The following ABCA13 variants were observed in gnomAD, a reference collection of about 807,000 sequenced individuals.
ABCA13 encodes the protein ATP binding cassette subfamily A member 13.
In ABCA13, 476 loss-of-function variants were observed where a neutral mutation model predicts 478.7. The ratio of observed to expected loss-of-function variants is 0.99; its 90% CI spans 0.92 to 1.07. The LOEUF is 1.07. Among genes scored for constraint, ABCA13 ranks in the 50% least tolerant of loss-of-function variants. ABCA13 has a pLI of 0.00. For missense variants in ABCA13, 6,060 were observed against 5,910.6 expected, an observed-to-expected ratio of 1.03 and a Z score of -0.83; for synonymous variants, 2,252 against 2,158.9, an observed-to-expected ratio of 1.04 and a Z score of -1.20.
chr7:48,436,454 T>C (rs561111620), intron 42 of ABCA13, among the ~76,000 whole-genome samples: 27 of 151,936 alleles, frequency 1.8e-4, no homozygotes, highest in African/African-American at 6.5e-4. Flanking sequence ...CCGTTTATCT[T>C]TTTTAAAGAA....
intron 41 of ABCA13, among the ~76,000 whole-genome samples, chr7:48,417,465 G>A (rs1201695155): frequency 3.3e-5 from 5 of 152,070 alleles, no homozygotes; most frequent in Non-Finnish European, 7.4e-5. Flanking sequence ...ACTTCCTGTC[G>A]GGGACAATCT....
intron 29 of ABCA13, 144 bp from the exon 30 acceptor site, chr7:48,350,499 C>A: frequency 1.0e-6 from 1 of 953,366 alleles, no homozygotes; most frequent in Non-Finnish European, 1.5e-6. Context: ...TCACATATGA[C>A]CAAAATTTGA....
At chr7:48,303,926 G>T (rs1800525882) in intron 23 of ABCA13, among the ~76,000 whole-genome samples, 1 of 151,984 alleles carries the variant, frequency 6.6e-6, no homozygotes, top group Non-Finnish European at 1.5e-5. Context: ...ATTTGTTTGG[G>T]CTCTTAAATC....
intron 55 of ABCA13, among the ~76,000 whole-genome samples, chr7:48,578,116 T>A (rs943441427): frequency 5.9e-5 from 9 of 152,120 alleles, no homozygotes; most frequent in African/African-American, 2.2e-4. Context: ...TCAAGTGATA[T>A]ACTAAATCAT....
intron 59 of ABCA13, chr7:48,626,535 CAAAGGGAAGCAA>C: frequency 1.2e-6 from 1 of 858,966 alleles, no homozygotes; most frequent in South Asian, 5.3e-5. Context: ...AATGGAGGAA[CAAAGGGAAGCAA>C]AAAGAAACAG....
chr7:48,197,150 A>G (rs942706969), intron 2 of ABCA13, among the ~76,000 whole-genome samples: 1 of 152,240 alleles, frequency 6.6e-6, no homozygotes, highest in African/African-American at 2.4e-5. Flanking sequence ...CAGGCTGCAC[A>G]TGCAGGAGGA....
At position 48,279,906 on chromosome 7, in the gene ABCA13, AC is replaced by A. The variant is rs767419647; in HGVS notation, c.8713del (p.Leu2905Ter). Reference sequence around the variant, plus strand: ...TGACTAAATACTGGCAACAAATCCCACTAACAGATCAAAGGTAATTAAAAAG... The same window carrying A: ...TGACTAAATACTGGCAACAAATCCCATAACAGATCAAAGGTAATTAAAAAG... ...VLTKYWQQIP[L>X]TDQSVVEICE... On this transcript the variant is annotated frameshift_variant, in exon 18 of 62. Coordinates refer to ENST00000435803, the MANE Select transcript of ABCA13 (RefSeq NM_152701.5). LOFTEE classifies it high-confidence loss of function. 167 of 1,519,114 alleles carry A rather than the reference AC, an allele frequency of 1.1e-4. No individual in the cohort carries two copies. Among genetic ancestry groups the A allele is most frequent in the Non-Finnish European group, 1.4e-4 (154 of 1,138,110 alleles). 94.1% of individuals were successfully genotyped at this position (1,519,114 alleles called of 1,614,324 possible).
At chr7:48,322,149 G>A (rs1319263299) in intron 27 of ABCA13, among the ~76,000 whole-genome samples, 1 of 152,168 alleles carries the variant, frequency 6.6e-6, no homozygotes, top group Non-Finnish European at 1.5e-5. Flanking sequence ...TGGCTTTGTA[G>A]CATCATCTGT....
chr7:48,332,164 G>T (rs1256248901), intron 27 of ABCA13, among the ~76,000 whole-genome samples: 1 of 152,148 alleles, frequency 6.6e-6, no homozygotes, highest in Non-Finnish European at 1.5e-5. Context: ...CATCTGGGTT[G>T]TTTCCAGCTT....
intron 47 of ABCA13, among the ~76,000 whole-genome samples, chr7:48,485,613 A>G (rs1374778635): frequency 6.6e-6 from 1 of 152,258 alleles, no homozygotes; most frequent in Non-Finnish European, 1.5e-5. Context: ...CAGGAGTTCC[A>G]GAACATTTTA....
rs767996715 is a variant in ABCA13 at position 48,245,950 on chromosome 7, G to A, written c.1579G>A (p.Gly527Ser). The A allele has an allele frequency of 1.2e-5, 20 of 1,613,640 alleles. No homozygotes were observed. Among genetic ancestry groups the A allele is most frequent in the Non-Finnish European group, 1.7e-5 (20 of 1,179,810 alleles). The change falls in exon 13 of 62, where the codon GGT becomes AGT. Residue 527 changes from glycine (G) to serine (S), a missense_variant. Gly to Ser is a moderately conservative substitution (Grantham distance 56). Coordinates refer to ENST00000435803, the MANE Select transcript of ABCA13 (RefSeq NM_152701.5). ...GCCTGGAAACTCCAGCATATGGGGT[G>A]GTCTCCAGGGACTGTTGTGCTATTG... ...LPPGNSSIWG[G>S]LQGLLCYCNS... is the part of the protein sequence containing the mutation.
intron 20 of ABCA13, among the ~76,000 whole-genome samples, chr7:48,289,463 A>G (rs1356068981): frequency 1.3e-5 from 2 of 150,176 alleles, no homozygotes; most frequent in African/African-American, 4.9e-5. Flanking sequence ...GGTTCAAGTG[A>G]TTCTTCTGCC....
chr7:48,295,476 T>C (rs1400153299), intron 20 of ABCA13, among the ~76,000 whole-genome samples: 1 of 152,224 alleles, frequency 6.6e-6, no homozygotes, highest in Non-Finnish European at 1.5e-5. Context: ...TTCTCTGCTG[T>C]GTGTTCAAGA....
chr7:48,380,864 C>T (rs1314166950), intron 35 of ABCA13, among the ~76,000 whole-genome samples: 1 of 152,174 alleles, frequency 6.6e-6, no homozygotes, highest in African/African-American at 2.4e-5. Flanking sequence ...AGAGCCCACG[C>T]CCCTACCACC....
chr7:48,369,905 A>ATT (rs368709552), intron 32 of ABCA13, among the ~76,000 whole-genome samples: 3 of 148,578 alleles, frequency 2.0e-5, no homozygotes, highest in African/African-American at 4.9e-5. Flanking sequence ...GAATTTTAGG[A>ATT]TTTTTTTTTT....
At chr7:48,500,674 C>A (rs1277478727) in intron 48 of ABCA13, among the ~76,000 whole-genome samples, 1 of 152,138 alleles carries the variant, frequency 6.6e-6, no homozygotes, top group African/African-American at 2.4e-5. Flanking sequence ...TGTTCCTAAA[C>A]CAAAACATTG....
chr7:48,315,617 C>T (rs541536665), intron 26 of ABCA13, among the ~76,000 whole-genome samples: 46 of 152,090 alleles, frequency 3.0e-4, no homozygotes, highest in African/African-American at 1.1e-3. Context: ...GTAGCTGGGA[C>T]TACAGGTGCC....
chr7:48,251,126 A>C (rs1435492155), intron 15 of ABCA13, among the ~76,000 whole-genome samples: 1 of 152,172 alleles, frequency 6.6e-6, no homozygotes, highest in African/African-American at 2.4e-5. Flanking sequence ...TCTGTATAGC[A>C]GCAGTATTGG....
chr7:48,339,688 A>G (rs1027150056), intron 29 of ABCA13, among the ~76,000 whole-genome samples: 3 of 152,380 alleles, frequency 2.0e-5, no homozygotes, highest in Non-Finnish European at 4.4e-5. Context: ...TGGGACACAG[A>G]ATATGAGATT....
Sources: allele counts gnomAD v4.1 joint callset (sites outside exome capture counted in the v4.1 genomes callset), GRCh38; gene constraint gnomAD v4.1.1; transcripts MANE v1.5; gene names NCBI Gene and HGNC (gene_info 2026-07-23, HGNC 2026-07-21).